PTPN11: variants seen among roughly 807,000 people sequenced by gnomAD.
The protein encoded by PTPN11 is tyrosine-protein phosphatase non-receptor type 11.
Under a neutral mutation model 78.8 loss-of-function variants are expected in PTPN11, and 6 were observed. The observed-to-expected ratio is 0.08, with a 90% confidence interval of 0.04 to 0.15. The LOEUF (loss-of-function observed/expected upper bound fraction) is 0.15. Among genes scored for constraint, PTPN11 ranks in the 10% least tolerant of loss-of-function variants. The pLI is 1.00. For missense variants in PTPN11, 386 were observed against 744.8 expected, an observed-to-expected ratio of 0.52 and a Z score of 5.61; for synonymous variants, 221 against 263.5, an observed-to-expected ratio of 0.84 and a Z score of 1.56.
chr12:112,479,932 C>G (rs1458528605), intron 9 of PTPN11, among the ~76,000 whole-genome samples: 2 of 152,142 alleles, frequency 1.3e-5, no homozygotes, highest in Non-Finnish European at 1.5e-5. Context: ...GGTATTGATT[C>G]TCTCCACAGA....
At chr12:112,450,183 A>T in intron 2 of PTPN11, 135 bp from the exon 3 acceptor site, 1 of 756,250 alleles carries the variant, frequency 1.3e-6, no homozygotes, top group Non-Finnish European at 2.3e-6. Flanking sequence ...CGTATTTCTT[A>T]TAGGGAATAG....
At chr12:112,429,307 A>G (rs1268309815) in intron 1 of PTPN11, among the ~76,000 whole-genome samples, 1 of 152,102 alleles carries the variant, frequency 6.6e-6, no homozygotes, top group African/African-American at 2.4e-5. Flanking sequence ...TGAAAATACT[A>G]TTCTCATCTG....
At chr12:112,476,941 T>C (rs1333062992) in intron 7 of PTPN11, among the ~76,000 whole-genome samples, 1 of 152,126 alleles carries the variant, frequency 6.6e-6, no homozygotes, top group Non-Finnish European at 1.5e-5. Context: ...CCACATCTCC[T>C]CTCTCCTTGA....
chr12:112,456,156 G>C lies in PTPN11; in HGVS notation c.756+93G>C, dbSNP rs1431517738. 4 of 828,272 alleles carry C rather than the reference G, an allele frequency of 4.8e-6. No individual in the cohort carries two copies. In the Admixed American group the frequency reaches 6.1e-5, roughly 13 times the overall value. The allele number at this position is 828,272 out of a possible 1,614,324, so 51.3% of individuals were successfully genotyped here. On this transcript the variant is annotated intron_variant, in intron 6 of 15. Transcript: ENST00000351677. Reference sequence around the variant, plus strand: ...CTTGTGTTTGGAATTGGACCTGAGAGACTTGAAACTGACGTCCTTTTTTAA... The same window carrying C: ...CTTGTGTTTGGAATTGGACCTGAGACACTTGAAACTGACGTCCTTTTTTAA...
At chr12:112,496,859 G>A (rs1441821627) in intron 13 of PTPN11, among the ~76,000 whole-genome samples, 1 of 152,182 alleles carries the variant, frequency 6.6e-6, no homozygotes, top group East Asian at 1.9e-4. Context: ...CTCTCTGAGT[G>A]AATCATATTG....
At chr12:112,469,069 CA>C (rs143894582) in intron 6 of PTPN11, among the ~76,000 whole-genome samples, 1 of 150,414 alleles carries the variant, frequency 6.6e-6, no homozygotes, top group African/African-American at 2.4e-5. Flanking sequence ...GTCCCAACAA[CA>C]AAAAAAAAGA....
intron 13 of PTPN11, among the ~76,000 whole-genome samples, chr12:112,492,723 T>C (rs921712928): frequency 3.9e-5 from 6 of 152,196 alleles, no homozygotes; most frequent in Middle Eastern, 3.4e-3. Context: ...CTCACCGTGT[T>C]AGCCAGGATG....
rs761510407 is a variant in PTPN11, at chr12:112,486,488, G to A, written c.1238G>A (p.Arg413Lys). 6.2e-7 allele frequency: 1 copy of A among 1,614,086 alleles called. No homozygotes were observed. The highest frequency in any genetic ancestry group is 1.7e-5 in the Admixed American group (1 of 60,024). ...GCTCTACTCCAGGGGAATACGGAGA[G>A]AACGGTCTGGCAATACCACTTTCGG... Reference protein sequence around the residue: ...LSKVGQGNTERTVWQYHFRTW... With the variant: ...LSKVGQGNTEKTVWQYHFRTW... The change falls in exon 11 of 16, where the codon AGA (arginine) becomes AAA (lysine). Residue 413 changes from arginine (R) to lysine (K), a missense_variant. Arg to Lys is a conservative substitution (Grantham distance 26). This residue lies in a region of PTPN11 where 279 missense variants were observed against 503.3 expected (regional missense o/e 0.55). Transcript: ENST00000351677.
intron 14 of PTPN11, among the ~76,000 whole-genome samples, chr12:112,502,566 G>A (rs2038888987): frequency 6.6e-6 from 1 of 152,128 alleles, no homozygotes; most frequent in Non-Finnish European, 1.5e-5. Flanking sequence ...GGCCAACATG[G>A]TGAAACCCTG....
chr12:112,424,140 A>AT (rs1338596865), intron 1 of PTPN11, among the ~76,000 whole-genome samples: 2 of 152,204 alleles, frequency 1.3e-5, no homozygotes, highest in Non-Finnish European at 2.9e-5. Context: ...TCATTGAAGA[A>AT]TTATTTATGG....
At chr12:112,434,704 T>C (rs900509753) in intron 1 of PTPN11, among the ~76,000 whole-genome samples, 2 of 152,168 alleles carry the variant, frequency 1.3e-5, no homozygotes, top group African/African-American at 4.8e-5. Context: ...GTCGAGTGTG[T>C]TTCACACAGG....
At chr12:112,495,108 C>T (rs906978722) in intron 13 of PTPN11, among the ~76,000 whole-genome samples, 2 of 152,154 alleles carry the variant, frequency 1.3e-5, no homozygotes, top group African/African-American at 4.8e-5. Context: ...GAGTGAGTTC[C>T]TTATACCTTT....
At chr12:112,454,107 T>G (rs894232386) in intron 4 of PTPN11, among the ~76,000 whole-genome samples, 11 of 152,100 alleles carry the variant, frequency 7.2e-5, no homozygotes. Context: ...TTTAGTATAT[T>G]TGTATACACA....
At chr12:112,505,390 G>C (rs1294978941) in intron 15 of PTPN11, among the ~76,000 whole-genome samples, 1 of 152,066 alleles carries the variant, frequency 6.6e-6, no homozygotes, top group African/African-American at 2.4e-5. Flanking sequence ...AACTTATCTG[G>C]GCATGGTGGC....
chr12:112,485,059 A>T (rs2038652815), intron 10 of PTPN11, among the ~76,000 whole-genome samples: 1 of 151,962 alleles, frequency 6.6e-6, no homozygotes, highest in African/African-American at 2.4e-5. Context: ...TCAGGAGTAC[A>T]AGACCAGCCT....
At position 112,486,464 on chromosome 12, in the gene PTPN11, C is replaced by T; in HGVS notation, c.1225-11C>T. On this transcript the variant is annotated splice_polypyrimidine_tract_variant and intron_variant, in intron 10 of 15. Coordinates refer to ENST00000351677, the MANE Select transcript of PTPN11 (RefSeq NM_002834.5). ...TTAATTCTTTTCTGGTTTTTCTTGG[C>T]TCTACTCCAGGGGAATACGGAGAGA... 6.2e-7 allele frequency: 1 copy of T among 1,611,848 alleles called. No homozygotes were observed. The highest frequency in any genetic ancestry group is 8.5e-7 in the Non-Finnish European group (1 of 1,177,928).
chr12:112,430,182 G>A (rs922117931), intron 1 of PTPN11, among the ~76,000 whole-genome samples: 8 of 151,966 alleles, frequency 5.3e-5, no homozygotes, highest in African/African-American at 1.9e-4. Context: ...CACCACACTC[G>A]GCTATTTTTT....
At chr12:112,487,115 TTCTCTC>T (rs371088967) in intron 11 of PTPN11, among the ~76,000 whole-genome samples, 5,655 of 150,664 alleles carry the variant, frequency 0.038, 229 homozygotes, top group African/African-American at 0.1. Context: ...TGTGATTCTG[TTCTCTC>T]TCTCTCTCTC....
chr12:112,474,271 G>A (rs553236813), intron 7 of PTPN11, among the ~76,000 whole-genome samples: 17 of 152,242 alleles, frequency 1.1e-4, no homozygotes, highest in African/African-American at 3.9e-4. Flanking sequence ...CAGGAGAATC[G>A]CTTGAACCTG....
Sources: gnomAD v4.1 joint callset for allele counts (sites outside exome capture counted in the v4.1 genomes callset) on GRCh38, gnomAD v4.1.1 for gene constraint, gnomAD v4.1.1 regional missense constraint, MANE v1.5 for transcripts, NCBI Gene and HGNC (gene_info 2026-07-23, HGNC 2026-07-21) for gene names.